Variants in RINT1 observed in about 807,000 individuals in gnomAD.
RINT1 encodes the protein RAD50 interactor 1.
RINT1 carries 75 observed loss-of-function variants against 97.7 expected under a neutral mutation model. The observed-to-expected ratio is 0.77, with a 90% CI of 0.64 to 0.93. RINT1 has a LOEUF of 0.93. RINT1 is among the 40% of genes least tolerant of loss of function. RINT1 has a pLI of 0.00. For missense variants in RINT1, 892 were observed against 925.2 expected, an observed-to-expected ratio of 0.96 and a Z score of 0.47; for synonymous variants, 303 against 326.3, an observed-to-expected ratio of 0.93 and a Z score of 0.77.
chr7:105,532,233 G>A lies in RINT1; in HGVS notation c.-83G>A, dbSNP rs1790060707. 6.2e-6 allele frequency: 9 copies of A among 1,457,976 alleles called. No homozygotes were observed. In the Admixed American group the frequency reaches 1.4e-4, roughly 23 times the overall value. The allele number at this position is 1,457,976 out of a possible 1,614,324, so 90.3% of individuals were successfully genotyped here. On this transcript the variant is annotated 5_prime_UTR_variant, in exon 1 of 15. Transcript: ENST00000257700. Reference sequence around the variant, plus strand: ...TCAGTCCTACGGCCTCCGAGGCTGGGTAGTGAGTGTGTCGCTGGCCTTAGC... The same window carrying A: ...TCAGTCCTACGGCCTCCGAGGCTGGATAGTGAGTGTGTCGCTGGCCTTAGC...
intron 6 of RINT1, among the ~76,000 whole-genome samples, chr7:105,548,325 A>G (rs758298596): frequency 1.3e-5 from 2 of 152,132 alleles, no homozygotes; most frequent in African/African-American, 2.4e-5. Flanking sequence ...ATGATTCACT[A>G]TCATCATGCC....
At chr7:105,539,549 G>A (rs994544953) in intron 3 of RINT1, among the ~76,000 whole-genome samples, 1 of 151,962 alleles carries the variant, frequency 6.6e-6, no homozygotes, top group African/African-American at 2.4e-5. Flanking sequence ...TGGTAGAGAT[G>A]GGGTTTCTCC....
chr7:105,551,693 T>C lies in RINT1; in HGVS notation c.1457T>C (p.Leu486Pro). 1 of 1,605,178 alleles carries C rather than the reference T, an allele frequency of 6.2e-7. No homozygotes were observed. The highest frequency in any genetic ancestry group is 2.2e-5 in the East Asian group (1 of 44,708). Reference sequence around the variant, plus strand: ...TGTGCAGAAACTTTTATGACTCTACTCTTGGTTATAACTGGTAAGTATGTC... The same window carrying C: ...TGTGCAGAAACTTTTATGACTCTACCCTTGGTTATAACTGGTAAGTATGTC... ...PDCAETFMTLLLVITDRYKNL... is the reference protein window; with the variant it reads ...PDCAETFMTLPLVITDRYKNL... The change falls in exon 10 of 15, where the codon CTC becomes CCC. Residue 486 changes from leucine to proline, a missense_variant. Leu to Pro is a moderately conservative substitution (Grantham distance 98). Coordinates refer to ENST00000257700, the MANE Select transcript of RINT1 (RefSeq NM_021930.6).
At chr7:105,550,581 A>G in intron 9 of RINT1, 95 bp downstream of exon 9, 5 of 876,702 alleles carry the variant, frequency 5.7e-6, no homozygotes, top group East Asian at 2.5e-5. Context: ...AATAGGAACT[A>G]GAGCCATTTG....
chr7:105,550,562 C>A, intron 9 of RINT1, 76 bp downstream of exon 9: 2 of 1,108,862 alleles, frequency 1.8e-6, no homozygotes, highest in African/African-American at 1.6e-5. Flanking sequence ...TTTTTCTTCT[C>A]CAGTTCTAAA....
rs1371873204 is a variant in RINT1 at position 105,550,479 on chromosome 7, G to A, written c.1326G>A (p.Glu442=). ...ETCFQRWLTV[E]RKFALQKMDS... ...GTTTTCAGAGATGGTTGACGGTGGA[G>A]AGAAAATGTAAGTGCTGATGTGGCC... The change falls in exon 9 of 15, where the codon GAG becomes GAA. Residue 442 remains glutamate, a synonymous_variant. Coordinates refer to ENST00000257700, the MANE Select transcript of RINT1 (RefSeq NM_021930.6). 3 of 1,612,212 alleles carry A rather than the reference G, an allele frequency of 1.9e-6. No individual in the cohort carries two copies. The highest frequency in any genetic ancestry group is 2.5e-6 in the Non-Finnish European group (3 of 1,178,324).
chr7:105,558,177 C>T (rs1329465036), intron 11 of RINT1, among the ~76,000 whole-genome samples: 1 of 151,722 alleles, frequency 6.6e-6, no homozygotes, highest in African/African-American at 2.4e-5. Context: ...TGCCTGTAAT[C>T]CCAGCTACTC....
chr7:105,541,121 A>G (rs1160074637), intron 3 of RINT1, among the ~76,000 whole-genome samples: 1 of 149,948 alleles, frequency 6.7e-6, no homozygotes, highest in Non-Finnish European at 1.5e-5. Flanking sequence ...TACAGGTGTG[A>G]GTCACCGCAC....
intron 9 of RINT1, among the ~76,000 whole-genome samples, chr7:105,551,113 C>T (rs559391734): frequency 8.5e-5 from 13 of 152,230 alleles, no homozygotes; most frequent in Non-Finnish European, 1.6e-4. Flanking sequence ...ACTGCAGCCT[C>T]GACCTCTGGG....
intron 11 of RINT1, among the ~76,000 whole-genome samples, chr7:105,558,719 G>A (rs555493761): frequency 4.6e-4 from 70 of 152,072 alleles, no homozygotes; most frequent in African/African-American, 1.6e-3. Context: ...TAGCTGCTTG[G>A]GAGGCTAAGG....
In RINT1 at chr7:105,547,017, A is replaced by T. The variant is rs144463752; in HGVS notation, c.623A>T (p.His208Leu). The T allele has an allele frequency of 1.2e-6, 2 of 1,613,864 alleles. No homozygotes were observed. Among genetic ancestry groups the T allele is most frequent in the Admixed American group, 1.7e-5 (1 of 59,988 alleles). Residue 208 changes from histidine (H) to leucine (L), a missense_variant, in exon 5 of 15, where the codon CAT (histidine) becomes CTT (leucine). His to Leu is a moderately conservative substitution (Grantham distance 99, BLOSUM62 -3). Coordinates refer to ENST00000257700, the MANE Select transcript of RINT1 (RefSeq NM_021930.6). ...DIKLQESSCT[H>L]LLGFMRATVK... ...AAACTTCAGGAATCATCTTGTACTC[A>T]TCTTCTTGGTTTCATGAGAGCCACA...
At chr7:105,541,304 T>C (rs940073143) in intron 3 of RINT1, among the ~76,000 whole-genome samples, 1 of 151,074 alleles carries the variant, frequency 6.6e-6, no homozygotes, top group Non-Finnish European at 1.5e-5. Flanking sequence ...ACCTGGCTAG[T>C]TTTTGTATTT....
chr7:105,536,478 G>T, intron 2 of RINT1, 87 bp from the exon 3 acceptor site: 1 of 964,030 alleles, frequency 1.0e-6, no homozygotes, highest in East Asian at 2.6e-5. Flanking sequence ...ACTTTTGAAG[G>T]CAGATAAACT....
chr7:105,537,760 C>T (rs1377437015), intron 3 of RINT1, among the ~76,000 whole-genome samples: 1 of 151,690 alleles, frequency 6.6e-6, no homozygotes, highest in Non-Finnish European at 1.5e-5. Flanking sequence ...CGCTTGAACC[C>T]AGGAGGCGGA....
intron 12 of RINT1, chr7:105,564,998 A>T: frequency 3.6e-6 from 1 of 274,466 alleles, no homozygotes; most frequent in Non-Finnish European, 6.7e-6. Context: ...TAAAATGCAA[A>T]AATTAAGTGA....
intron 4 of RINT1, among the ~76,000 whole-genome samples, chr7:105,545,269 G>A (rs949614432): frequency 4.0e-5 from 6 of 151,212 alleles, no homozygotes; most frequent in Non-Finnish European, 7.4e-5. Flanking sequence ...TGGGCAACAT[G>A]GCAAAACCCC....
intron 6 of RINT1, 133 bp downstream of exon 6, chr7:105,547,466 T>C (rs1323219735): frequency 1.2e-6 from 1 of 854,344 alleles, no homozygotes; most frequent in African/African-American, 1.7e-5. Flanking sequence ...GGTCTGTAAA[T>C]GTCCACTGAG....
At chr7:105,560,909 TG>T (rs760582432) in intron 11 of RINT1, among the ~76,000 whole-genome samples, 45 of 152,130 alleles carry the variant, frequency 3.0e-4, no homozygotes, top group Admixed American at 7.2e-4. Flanking sequence ...TTAGTAGAGA[TG>T]GGGTTTCACC....
Position 105,565,660 on chromosome 7 carries a change from A to G in RINT1, c.2186+12A>G. 1 of 1,487,292 alleles carries G rather than the reference A, an allele frequency of 6.7e-7. No individual in the cohort carries two copies. Among genetic ancestry groups the G allele is most frequent in the Non-Finnish European group, 9.4e-7 (1 of 1,069,026 alleles). 92.1% of individuals were successfully genotyped at this position (1,487,292 alleles called of 1,614,324 possible). ...AATTATTTTAAACAGTAAGCTCAAC[A>G]TTTAACAATTAATATTAATGTATCA... On this transcript the variant is annotated intron_variant, in intron 14 of 14. Transcript: ENST00000257700.
Sources: gnomAD v4.1 joint callset for allele counts (sites outside exome capture counted in the v4.1 genomes callset) on GRCh38, gnomAD v4.1.1 for gene constraint, MANE v1.5 for transcripts, NCBI Gene and HGNC (gene_info 2026-07-23, HGNC 2026-07-21) for gene names.